The following KCNQ5 variants were observed in gnomAD, a reference collection of about 807,000 sequenced individuals.
The protein encoded by KCNQ5 is potassium voltage-gated channel subfamily Q member 5, also known as potassium voltage-gated channel subfamily KQT member 5.
In KCNQ5, 30 loss-of-function variants were observed where a neutral mutation model predicts 98.2. That is an observed-to-expected ratio of 0.31 (90% CI 0.23 to 0.41). The LOEUF is 0.41. Among genes scored for constraint, KCNQ5 ranks in the 10% least tolerant of loss-of-function variants. The probability of loss-of-function intolerance (pLI) is 1.00; values close to 1 mark genes in which losing one functional copy is unlikely to be tolerated. For missense variants in KCNQ5, 835 were observed against 1,182.5 expected, an observed-to-expected ratio of 0.71 and a Z score of 4.31; for synonymous variants, 458 against 449.4, an observed-to-expected ratio of 1.02 and a Z score of -0.24.
chr6:73,072,024 A>C (rs1773320541), intron 3 of KCNQ5, among the ~76,000 whole-genome samples: 3 of 152,146 alleles, frequency 2.0e-5, no homozygotes, highest in Non-Finnish European at 4.4e-5. Flanking sequence ...TGGAACAAAA[A>C]AATGTGGTGG....
chr6:72,902,735 C>T (rs1000761911), intron 1 of KCNQ5, among the ~76,000 whole-genome samples: 6 of 152,228 alleles, frequency 3.9e-5, no homozygotes, highest in Non-Finnish European at 7.4e-5. Context: ...TTGTTAGATT[C>T]GGTTAGCTAG....
chr6:73,002,381 C>T (rs1181134975), intron 1 of KCNQ5, among the ~76,000 whole-genome samples: 2 of 152,164 alleles, frequency 1.3e-5, no homozygotes, highest in Non-Finnish European at 2.9e-5. Flanking sequence ...TTCTGCTACA[C>T]AACCTTGGAA....
chr6:72,936,852 T>C (rs901116162), intron 1 of KCNQ5, among the ~76,000 whole-genome samples: 3 of 152,208 alleles, frequency 2.0e-5, no homozygotes, highest in Non-Finnish European at 4.4e-5. Context: ...CTTGATGACT[T>C]CCAGTTTTCA....
At chr6:73,043,789 C>T (rs536877659) in intron 3 of KCNQ5, among the ~76,000 whole-genome samples, 12 of 152,240 alleles carry the variant, frequency 7.9e-5, no homozygotes, top group South Asian at 2.1e-4. Context: ...GGCCTCCATG[C>T]GAAAAAGAAA....
chr6:72,633,087 G>A (rs781699004), intron 1 of KCNQ5, among the ~76,000 whole-genome samples: 10 of 152,108 alleles, frequency 6.6e-5, no homozygotes, highest in Non-Finnish European at 1.2e-4. Context: ...AGTCTCACCA[G>A]CATCTGTTGT....
chr6:72,844,520 T>C (rs1256852465), intron 1 of KCNQ5, among the ~76,000 whole-genome samples: 2 of 152,184 alleles, frequency 1.3e-5, no homozygotes, highest in Non-Finnish European at 2.9e-5. Flanking sequence ...CTAACCTGTA[T>C]AATTCAAACT....
intron 1 of KCNQ5, among the ~76,000 whole-genome samples, chr6:72,836,536 T>C (rs531392029): frequency 1.3e-4 from 20 of 152,126 alleles, no homozygotes; most frequent in Admixed American, 6.6e-4. Context: ...ATTCCTGAGC[T>C]CAAGCAATTC....
At chr6:73,084,746 T>TC (rs1447629274) in intron 5 of KCNQ5, among the ~76,000 whole-genome samples, 3 of 152,168 alleles carry the variant, frequency 2.0e-5, no homozygotes, top group African/African-American at 7.2e-5. Context: ...TTCCAGAATC[T>TC]CCCCACTTAT....
intron 1 of KCNQ5, among the ~76,000 whole-genome samples, chr6:72,953,483 A>C (rs1766902640): frequency 1.3e-5 from 2 of 152,354 alleles, no homozygotes; most frequent in South Asian, 2.1e-4. Flanking sequence ...TGACTGAAAC[A>C]ACAATTATAC....
At chr6:72,901,470 TAG>T (rs528544802) in intron 1 of KCNQ5, among the ~76,000 whole-genome samples, 3 of 152,192 alleles carry the variant, frequency 2.0e-5, no homozygotes, top group Non-Finnish European at 4.4e-5. Flanking sequence ...CTAGATTTTA[TAG>T]AGTTTCAGGT....
intron 1 of KCNQ5, among the ~76,000 whole-genome samples, chr6:72,940,885 G>A (rs1766198395): frequency 6.6e-6 from 1 of 152,086 alleles, no homozygotes; most frequent in Non-Finnish European, 1.5e-5. Flanking sequence ...GAAATAGCTG[G>A]CATATGATAA....
intron 10 of KCNQ5, among the ~76,000 whole-genome samples, chr6:73,146,078 C>T (rs1292219283): frequency 1.3e-5 from 2 of 152,110 alleles, no homozygotes; most frequent in Non-Finnish European, 2.9e-5. Context: ...GGATACAGAG[C>T]GAAACCATAT....
At chr6:72,809,404 T>A (rs940398990) in intron 1 of KCNQ5, among the ~76,000 whole-genome samples, 2 of 151,852 alleles carry the variant, frequency 1.3e-5, no homozygotes, top group African/African-American at 2.4e-5. Flanking sequence ...ATAAAAAAAA[T>A]AGCCAGGCGT....
chr6:72,844,883 T>C (rs1427978956), intron 1 of KCNQ5, among the ~76,000 whole-genome samples: 1 of 152,190 alleles, frequency 6.6e-6, no homozygotes, highest in African/African-American at 2.4e-5. Flanking sequence ...GAAACAAGTT[T>C]CCTTCGTAAA....
intron 1 of KCNQ5, among the ~76,000 whole-genome samples, chr6:72,733,199 G>A (rs1770643765): frequency 6.6e-6 from 1 of 152,128 alleles, no homozygotes; most frequent in Admixed American, 6.5e-5. Flanking sequence ...AAGGAGGACA[G>A]AACTATGAAT....
At chr6:73,013,802 T>A (rs1770191219) in intron 2 of KCNQ5, among the ~76,000 whole-genome samples, 2 of 152,150 alleles carry the variant, frequency 1.3e-5, no homozygotes, top group African/African-American at 4.8e-5. Context: ...TGCTCATGTC[T>A]AAGGCTTCTT....
chr6:72,682,630 A>C (rs189489424), intron 1 of KCNQ5, among the ~76,000 whole-genome samples: 274 of 152,186 alleles, frequency 1.8e-3, no homozygotes, highest in African/African-American at 6.4e-3. Flanking sequence ...TTATACCCCT[A>C]CTTTACTCTT....
At chr6:72,855,090 A>G (rs1022361415) in intron 1 of KCNQ5, among the ~76,000 whole-genome samples, 1 of 152,028 alleles carries the variant, frequency 6.6e-6, no homozygotes, top group African/African-American at 2.4e-5. Flanking sequence ...GCCTCACCCA[A>G]TATAAATTAT....
At chr6:72,960,628 A>G (rs1767296780) in intron 1 of KCNQ5, among the ~76,000 whole-genome samples, 2 of 152,196 alleles carry the variant, frequency 1.3e-5, no homozygotes, top group African/African-American at 2.4e-5. Context: ...GTGTTTCACT[A>G]TGTTGGCCAG....
Sources: allele counts gnomAD v4.1 joint callset (sites outside exome capture counted in the v4.1 genomes callset), GRCh38; gene constraint gnomAD v4.1.1; transcripts MANE v1.5; gene names NCBI Gene and HGNC (gene_info 2026-07-23, HGNC 2026-07-21).